The following DHX29 variants were observed in gnomAD, a reference collection of about 807,000 sequenced individuals.
DHX29 encodes the protein DExH-box helicase 29.
A neutral mutation model predicts 167.9 loss-of-function variants in DHX29; 79 were observed. That is an observed-to-expected ratio of 0.47 (90% CI 0.39 to 0.57). The LOEUF (loss-of-function observed/expected upper bound fraction) is 0.57, where lower values mean the gene tolerates loss of function less well. DHX29 is among the 20% of genes least tolerant of loss of function. The probability of loss-of-function intolerance (pLI) is 0.00; values close to 1 mark genes in which losing one functional copy is unlikely to be tolerated. For missense variants in DHX29, 1,347 were observed against 1,593.4 expected (o/e 0.85, Z 2.63); for synonymous variants, 530 against 546.0 (o/e 0.97, Z 0.41).
At chr5:55,258,921 A>G (rs1195497369) in intron 26 of DHX29, among the ~76,000 whole-genome samples, 2 of 152,214 alleles carry the variant, frequency 1.3e-5, no homozygotes, top group Non-Finnish European at 2.9e-5. Flanking sequence ...ATTTGAAAGA[A>G]ACACATGGTG....
At chr5:55,285,623 C>A (rs1747680237) in intron 9 of DHX29, 73 bp downstream of exon 9, 1 of 1,456,896 alleles carries the variant, frequency 6.9e-7, no homozygotes, top group Non-Finnish European at 9.2e-7. Context: ...TCACAGGGAA[C>A]AAAAAGATTT....
At chr5:55,279,667 C>G (rs1300919542) in intron 12 of DHX29, 1 of 152,408 alleles carries the variant, frequency 6.6e-6, no homozygotes, top group Admixed American at 6.6e-5. Flanking sequence ...GATAGGACTA[C>G]AGGGAAAAGC....
At chr5:55,290,794 C>T (rs1748003810) in intron 6 of DHX29, among the ~76,000 whole-genome samples, 1 of 152,182 alleles carries the variant, frequency 6.6e-6, no homozygotes, top group Non-Finnish European at 1.5e-5. Context: ...GTGGGCAGAT[C>T]ACCTGAGGTC....
chr5:55,291,757 G>T lies in DHX29; in HGVS notation c.781-1413C>A, dbSNP rs78100025. 2.6e-3 allele frequency among the ~76,000 whole-genome samples: 397 copies of T among 152,246 alleles called. 11 individuals carry two copies. The East Asian group carries it at 0.065, about 25-fold the overall frequency. ...AATTTGACTTAGGAACCTCATATAAGTGAAATCATATGGTATCTGTCTTTT... is the reference window on the plus strand; with the variant it reads ...AATTTGACTTAGGAACCTCATATAATTGAAATCATATGGTATCTGTCTTTT... On this transcript the variant is annotated intron_variant, in intron 6 of 26. Transcript: ENST00000251636.
At chr5:55,265,358 C>A (rs1746505457) in intron 23 of DHX29, among the ~76,000 whole-genome samples, 1 of 148,382 alleles carries the variant, frequency 6.7e-6, no homozygotes. Context: ...AGGGAGATGA[C>A]TCTGAAAAAA....
intron 23 of DHX29, among the ~76,000 whole-genome samples, chr5:55,265,234 C>G (rs896682784): frequency 6.8e-6 from 1 of 148,010 alleles, no homozygotes; most frequent in Non-Finnish European, 1.5e-5. Flanking sequence ...TCTAATGAAA[C>G]AATAGGTCTG....
intron 6 of DHX29, among the ~76,000 whole-genome samples, chr5:55,290,567 C>CT (rs1273859070): frequency 6.6e-6 from 1 of 152,140 alleles, no homozygotes; most frequent in African/African-American, 2.4e-5. Context: ...AACTGGAAAT[C>CT]ATATATGACA....
intron 26 of DHX29, among the ~76,000 whole-genome samples, chr5:55,257,222 C>CA (rs1446386812): frequency 3.9e-5 from 6 of 152,198 alleles, no homozygotes; most frequent in African/African-American, 1.4e-4. Context: ...AAGAACCTCA[C>CA]AACCACTCTT....
In DHX29 at chr5:55,283,236, A is replaced by T; in HGVS notation, c.1932T>A (p.Asp644Glu). 6.2e-7 allele frequency: 1 copy of T among 1,604,678 alleles called. No individual in the cohort carries two copies. The highest frequency in any genetic ancestry group is 8.5e-7 in the Non-Finnish European group (1 of 1,173,658). Residue 644 changes from aspartate (D) to glutamate (E), a missense_variant, in exon 11 of 27, where the codon GAT becomes GAA. Physicochemically the swap from Asp to Glu is conservative, Grantham distance 45. Coordinates refer to ENST00000251636, the MANE Select transcript of DHX29 (RefSeq NM_019030.4). Reference protein sequence around the residue: ...SAVSLANRVCDELGCENGPGG... With the variant: ...SAVSLANRVCEELGCENGPGG... ...CAGGTCCATTTTCACAGCCCAATTC[A>T]TCACATACTCTGTTGGCTAAACTAA...
Position 55,287,981 on chromosome 5 carries a change from T to C in DHX29, c.1066+1289A>G, listed in dbSNP as rs372519342. ...AAAGAAAGAAAAAGGCTGGGCACAG[T>C]GGCTCACGCCTGTAATCCCCAGAGG... On this transcript the variant is annotated intron_variant, in intron 8 of 26. Coordinates refer to ENST00000251636, the MANE Select transcript of DHX29 (RefSeq NM_019030.4). Among the ~76,000 whole-genome samples the C allele has an allele frequency of 3.8e-4, 56 of 146,888 alleles. 1 individual carries two copies. The highest frequency in any genetic ancestry group is 1.3e-3 in the African/African-American group (53 of 39,844).
intron 12 of DHX29, 26 bp from the exon 13 acceptor site, chr5:55,277,308 G>T: frequency 6.7e-7 from 1 of 1,502,378 alleles, no homozygotes; most frequent in African/African-American, 1.4e-5. Flanking sequence ...GAATAAAAAA[G>T]TTCATCATAT....
At chr5:55,274,144 G>C (rs1410943316) in intron 16 of DHX29, among the ~76,000 whole-genome samples, 1 of 151,272 alleles carries the variant, frequency 6.6e-6, no homozygotes, top group Non-Finnish European at 1.5e-5. Flanking sequence ...CTGTAATCCT[G>C]GCACTTTGGT....
chr5:55,293,878 G>A, intron 6 of DHX29, 139 bp downstream of exon 6: 1 of 836,390 alleles, frequency 1.2e-6, no homozygotes, highest in Non-Finnish European at 1.7e-6. Flanking sequence ...TTTTGCCTAA[G>A]TGTTATTTTA....
chr5:55,275,915 T>A (rs1038262233), intron 14 of DHX29, among the ~76,000 whole-genome samples: 2 of 126,296 alleles, frequency 1.6e-5, no homozygotes, highest in African/African-American at 7.1e-5. Context: ...CCTGAGCACC[T>A]ATGGTGTTGA....
At position 55,307,599 on chromosome 5, in the gene DHX29, C is replaced by G. The variant is rs762342462; in HGVS notation, c.-26G>C. ...GTTGCAGCTGTGGCAGAAGATCCTT[C>G]GCGGCCCAGGCCCCGACGGTACCAC... On this transcript the variant is annotated 5_prime_UTR_variant, in exon 1 of 27. Transcript: ENST00000251636. 1 of 1,611,448 alleles carries G rather than the reference C, an allele frequency of 6.2e-7. No homozygotes were observed. The highest frequency in any genetic ancestry group is 8.5e-7 in the Non-Finnish European group (1 of 1,179,844).
At chr5:55,286,086 C>G (rs576977041) in intron 8 of DHX29, among the ~76,000 whole-genome samples, 2 of 152,098 alleles carry the variant, frequency 1.3e-5, no homozygotes, top group South Asian at 4.2e-4. Flanking sequence ...AACCTCGTCT[C>G]TACTAAAAGT....
At chr5:55,261,681 T>C (rs535811720) in intron 24 of DHX29, among the ~76,000 whole-genome samples, 182 bp from the exon 25 acceptor site, 2 of 152,316 alleles carry the variant, frequency 1.3e-5, no homozygotes, top group African/African-American at 4.8e-5. Flanking sequence ...TAATTACTAT[T>C]ACCACCTGTG....
At chr5:55,301,713 C>CAAAAAAAAAAAAAAAAAAAAAAAA (rs70992777) in intron 1 of DHX29, among the ~76,000 whole-genome samples, 3 of 64,738 alleles carry the variant, frequency 4.6e-5, no homozygotes, top group African/African-American at 1.1e-4. Context: ...AACTCCATCT[C>CAAAAAAAAAAAAAAAAAAAAAAAA]AAAAAAAAAA....
Position 55,296,286 on chromosome 5 carries a change from T to C in DHX29, c.439A>G (p.Asn147Asp). The part of the protein sequence containing the change: ...KTKDIEDAMT[N>D]TLLYGGDLHS... ...AGGTCACCTCCATATAAGAGTGTAT[T>C]GGTCATGGCATCTTCAATGTCCTTT... The change falls in exon 4 of 27, where the codon AAT becomes GAT. Residue 147 changes from asparagine (N) to aspartate (D), a missense_variant. This residue lies in a region of DHX29 where 405 missense variants were observed against 416.8 expected (regional missense o/e 0.97). Coordinates refer to ENST00000251636, the MANE Select transcript of DHX29 (RefSeq NM_019030.4). 6.2e-7 allele frequency: 1 copy of C among 1,613,690 alleles called. No homozygotes were observed. Among genetic ancestry groups the C allele is most frequent in the Non-Finnish European group, 8.5e-7 (1 of 1,179,750 alleles).
Sources: allele counts gnomAD v4.1 joint callset (sites outside exome capture counted in the v4.1 genomes callset), GRCh38; gene constraint gnomAD v4.1.1; regional missense constraint gnomAD v4.1.1; transcripts MANE v1.5; gene names NCBI Gene and HGNC (gene_info 2026-07-23, HGNC 2026-07-21).